LMNA: variants seen among roughly 807,000 people sequenced by gnomAD.
LMNA encodes the protein lamin.
A neutral mutation model predicts 70.4 loss-of-function variants in LMNA; 20 were observed. That is an observed-to-expected ratio of 0.28 (90% confidence interval 0.20 to 0.41). The LOEUF (loss-of-function observed/expected upper bound fraction) is 0.41. Among genes scored for constraint, LMNA ranks in the 10% least tolerant of loss-of-function variants. LMNA has a pLI of 1.00. For missense variants in LMNA, 652 were observed against 917.2 expected, an observed-to-expected ratio of 0.71 and a Z score of 3.73; for synonymous variants, 339 against 372.8, an observed-to-expected ratio of 0.91 and a Z score of 1.04.
chr1:156,127,475 C>T (rs1163674761), intron 1 of LMNA, among the ~76,000 whole-genome samples: 1 of 151,382 alleles, frequency 6.6e-6, no homozygotes, highest in Non-Finnish European at 1.5e-5. Context: ...CTAGTCAAAA[C>T]CTCCACCAGG....
chr1:156,089,321 A>G (rs1648602683), intron 2 of LMNA, among the ~76,000 whole-genome samples: 2 of 151,346 alleles, frequency 1.3e-5, no homozygotes, highest in South Asian at 4.2e-4. Flanking sequence ...TTTGAGATGA[A>G]GTCTTGCTCT....
Position 156,139,977 on chromosome 1 carries a change from G to T in LMNA, c.*871G>T. ...TGGAGGAGGAAGGCAAGAGGGGGTG[G>T]AGGGGTGTGGCAGTGGTTTTGGCAA... On this transcript the variant is annotated 3_prime_UTR_variant, in exon 12 of 12. Coordinates refer to ENST00000368300, the MANE Select transcript of LMNA (RefSeq NM_170707.4). 1 of 761,636 alleles carries T rather than the reference G, an allele frequency of 1.3e-6. No homozygotes were observed. The highest frequency in any genetic ancestry group is 2.0e-6 in the Non-Finnish European group (1 of 500,552). The allele number at this position is 761,636 out of a possible 1,614,324, so 47.2% of individuals were successfully genotyped here.
At position 156,138,850 on chromosome 1, in the gene LMNA, C is replaced by T. The variant is rs1458548639; in HGVS notation, c.1968+93C>T. 1.3e-6 allele frequency: 2 copies of T among 1,538,626 alleles called. No individual in the cohort carries two copies. Among genetic ancestry groups the T allele is most frequent in the Non-Finnish European group, 1.8e-6 (2 of 1,119,762 alleles). On this transcript the variant is annotated intron_variant, in intron 11 of 11. Coordinates refer to ENST00000368300, the MANE Select transcript of LMNA (RefSeq NM_170707.4). This position sits in a 1 kb window ranked among gnomAD's most constrained non-coding sequence, Gnocchi z 5.5. Reference sequence around the variant, plus strand: ...GTGGCCTTGCAGGGGGGAGAGCCTGCCTTCTCTTCCGCAGCCCGGGGGAGT... The same window carrying T: ...GTGGCCTTGCAGGGGGGAGAGCCTGTCTTCTCTTCCGCAGCCCGGGGGAGT...
intron 3 of LMNA, among the ~76,000 whole-genome samples, chr1:156,093,434 T>C (rs921274352): frequency 2.6e-5 from 4 of 151,524 alleles, no homozygotes; most frequent in African/African-American, 4.9e-5. Flanking sequence ...GCCTCCCAAG[T>C]AGCTGGGATT....
At chr1:156,131,054 G>A (rs553162793) in intron 2 of LMNA, among the ~76,000 whole-genome samples, 5 of 151,912 alleles carry the variant, frequency 3.3e-5, no homozygotes, top group South Asian at 4.2e-4. Context: ...GGCCGATCAC[G>A]AGGTCAGGAG....
In LMNA at chr1:156,136,328, T is replaced by C. The variant is rs2102890465; in HGVS notation, c.1272T>C (p.Thr424=). ...CCAAAAAGCGCAAACTGGAGTCCAC[T>C]GAGAGCCGCAGCAGCTTCTCACAGC... ...SVTKKRKLES[T]ESRSSFSQHA... is the part of the protein sequence containing the mutation. Residue 424 remains threonine, a synonymous_variant, in exon 7 of 12, where the codon ACT becomes ACC. Coordinates refer to ENST00000368300, the MANE Select transcript of LMNA (RefSeq NM_170707.4). The surrounding 1 kb of genome is among the most constrained non-coding windows in gnomAD (Gnocchi z 6.1). 1 of 1,612,218 alleles carries C rather than the reference T, an allele frequency of 6.2e-7. No individual in the cohort carries two copies. The highest frequency in any genetic ancestry group is 8.5e-7 in the Non-Finnish European group (1 of 1,180,012).
intron 1 of LMNA, among the ~76,000 whole-genome samples, chr1:156,119,090 T>A (rs1463451239): frequency 6.6e-6 from 1 of 151,680 alleles, no homozygotes; most frequent in Non-Finnish European, 1.5e-5. Context: ...GGATTACAAG[T>A]GTGTGCCACC....
chr1:156,097,905 T>C (rs1648997853), intron 3 of LMNA, among the ~76,000 whole-genome samples: 1 of 152,176 alleles, frequency 6.6e-6, no homozygotes, highest in Non-Finnish European at 1.5e-5. Context: ...CACCGTTTTC[T>C]CTCTGCCCTG....
At chr1:156,099,902 T>G (rs1488759644) in intron 3 of LMNA, among the ~76,000 whole-genome samples, 1 of 150,646 alleles carries the variant, frequency 6.6e-6, no homozygotes, top group East Asian at 1.9e-4. Flanking sequence ...AATGCCCATG[T>G]GTCACCCCAG....
upstream of LMNA, among the ~76,000 whole-genome samples, chr1:156,111,171 C>T (rs1042524962): frequency 6.6e-5 from 10 of 151,854 alleles, no homozygotes; most frequent in African/African-American, 2.4e-4. Flanking sequence ...AGTGCCTAGG[C>T]CTGGTGCAGT....
chr1:156,137,508 A>C lies in LMNA; in HGVS notation c.1609-146A>C. 1.2e-6 allele frequency: 1 copy of C among 851,418 alleles called. No individual in the cohort carries two copies. The highest frequency in any genetic ancestry group is 1.9e-6 in the Non-Finnish European group (1 of 522,804). The allele number at this position is 851,418 out of a possible 1,614,324, so 52.7% of individuals were successfully genotyped here. A position where few individuals can be genotyped will look rare whatever the true frequency, so the allele number is the denominator to read the frequency against. On this transcript the variant is annotated intron_variant, in intron 9 of 11. Transcript: ENST00000368300. This position sits in a 1 kb window ranked among gnomAD's most constrained non-coding sequence, Gnocchi z 4.6. ...CCTCTGGGGTGGAAATGAGTTCCTT[A>C]GCTCCATCACCACAGAGGACAGAGT...
intron 2 of LMNA, among the ~76,000 whole-genome samples, chr1:156,089,127 G>A (rs1342860554): frequency 1.3e-5 from 2 of 151,892 alleles, no homozygotes; most frequent in Admixed American, 6.6e-5. Flanking sequence ...ACAGGCATGC[G>A]CACCCTGCCT....
At chr1:156,112,670 C>T (rs988546805), upstream of LMNA, among the ~76,000 whole-genome samples, 12 of 152,138 alleles carry the variant, frequency 7.9e-5, no homozygotes, top group Admixed American at 4.6e-4. Context: ...CCCCCTCATC[C>T]GGGTGCATCC....
chr1:156,089,497 T>C (rs538151817), intron 2 of LMNA, among the ~76,000 whole-genome samples: 12 of 151,626 alleles, frequency 7.9e-5, no homozygotes, highest in Middle Eastern at 3.4e-3. Context: ...GGTTTTACCA[T>C]GTTGGTCAGG....
At position 156,138,091 on chromosome 1, in the gene LMNA, G is replaced by A; in HGVS notation, c.1698+348G>A. 3.8e-6 allele frequency: 2 copies of A among 532,772 alleles called. No individual in the cohort carries two copies. Among genetic ancestry groups the A allele is most frequent in the Non-Finnish European group, 6.8e-6 (2 of 295,654 alleles). 33.0% of individuals were successfully genotyped at this position (532,772 alleles called of 1,614,324 possible). On this transcript the variant is annotated intron_variant, in intron 10 of 11. Coordinates refer to ENST00000368300, the MANE Select transcript of LMNA (RefSeq NM_170707.4). The surrounding 1 kb of genome is among the most constrained non-coding windows in gnomAD (Gnocchi z 5.5). ...CCTCTCTCCCCCATTCTTGTTGCAT[G>A]CATATCCTCTCATTTCCCTCATTTT...
Position 156,139,291 on chromosome 1 carries a change from GA to G in LMNA, c.*190del. 1 of 1,303,780 alleles carries G rather than the reference GA, an allele frequency of 7.7e-7. No homozygotes were observed. The highest frequency in any genetic ancestry group is 9.7e-7 in the Non-Finnish European group (1 of 1,029,338). The allele number at this position is 1,303,780 out of a possible 1,614,324, so 80.8% of individuals were successfully genotyped here. A position where few individuals can be genotyped will look rare whatever the true frequency, so the allele number is the denominator to read the frequency against. ...TTTCTACAGTGGTTTTATACTGAAG[GA>G]AAAACACAAGCAAAAAAAAAAAAAA... is the stretch of plus-strand genomic sequence containing the variant. On this transcript the variant is annotated 3_prime_UTR_variant, in exon 12 of 12. Transcript: ENST00000368300.
chr1:156,115,140 G>A lies in LMNA; in HGVS notation c.222G>A (p.Val74=), dbSNP rs1446250959. Reference sequence around the variant, plus strand: ...CTGAAGAGGTGGTCAGCCGCGAGGTGTCCGGCATCAAGGCCGCCTACGAGG... The same window carrying A: ...CTGAAGAGGTGGTCAGCCGCGAGGTATCCGGCATCAAGGCCGCCTACGAGG... ...TESEEVVSRE[V]SGIKAAYEAE... is the part of the protein sequence containing the mutation. The change falls in exon 1 of 12, where the codon GTG becomes GTA. Residue 74 remains valine (V), a synonymous_variant. Coordinates refer to ENST00000368300, the MANE Select transcript of LMNA (RefSeq NM_170707.4). This position sits in a 1 kb window ranked among gnomAD's most constrained non-coding sequence, Gnocchi z 5.8. 1 of 1,610,234 alleles carries A rather than the reference G, an allele frequency of 6.2e-7. No homozygotes were observed. The highest frequency in any genetic ancestry group is 8.5e-7 in the Non-Finnish European group (1 of 1,178,454).
chr1:156,137,850 A>C lies in LMNA; in HGVS notation c.1698+107A>C. 6.5e-7 allele frequency: 1 copy of C among 1,534,796 alleles called. No individual in the cohort carries two copies. Among genetic ancestry groups the C allele is most frequent in the Non-Finnish European group, 8.7e-7 (1 of 1,144,308 alleles). On this transcript the variant is annotated intron_variant, in intron 10 of 11. Coordinates refer to ENST00000368300, the MANE Select transcript of LMNA (RefSeq NM_170707.4). This position sits in a 1 kb window ranked among gnomAD's most constrained non-coding sequence, Gnocchi z 4.6. ...CGTGCCAAAAATCTTTTCATTAAAG[A>C]ATGTTTTGGAACTTTACTCGCTGGC...
chr1:156,125,590 G>A (rs1246074078), intron 1 of LMNA, among the ~76,000 whole-genome samples: 2 of 152,154 alleles, frequency 1.3e-5, no homozygotes, highest in Non-Finnish European at 2.9e-5. Context: ...TCTGGAGGCT[G>A]AGGCACAAGA....
Sources: gnomAD v4.1 joint callset for allele counts (sites outside exome capture counted in the v4.1 genomes callset) on GRCh38, gnomAD v4.1.1 for gene constraint, Gnocchi (gnomAD v3.1) non-coding constraint, MANE v1.5 for transcripts, NCBI Gene and HGNC (gene_info 2026-07-23, HGNC 2026-07-21) for gene names.